The following UTRN variants were observed in gnomAD, a reference collection of about 807,000 sequenced individuals.
The protein encoded by UTRN is dystrophin-related protein 1.
UTRN carries 283 observed loss-of-function variants against 463.9 expected under a neutral mutation model. The observed-to-expected ratio is 0.61, with a 90% confidence interval of 0.55 to 0.67. The LOEUF (loss-of-function observed/expected upper bound fraction) is 0.67, where lower values mean the gene tolerates loss of function less well. UTRN is among the 30% of genes least tolerant of loss of function. The probability of loss-of-function intolerance (pLI) is 0.00; values close to 1 mark genes in which losing one functional copy is unlikely to be tolerated. For synonymous variants in UTRN, 1,442 were observed against 1,431.5 expected (o/e 1.01, Z -0.17); for missense variants, 3,922 against 4,084.3 (o/e 0.96, Z 1.08).
At chr6:144,487,972 A>G (rs908690355) in intron 29 of UTRN, among the ~76,000 whole-genome samples, 12 of 152,222 alleles carry the variant, frequency 7.9e-5, no homozygotes, top group African/African-American at 2.9e-4. Context: ...TGATAGCTGT[A>G]TATAAGAACA....
At chr6:144,795,971 T>G (rs1777177452) in intron 63 of UTRN, among the ~76,000 whole-genome samples, 1 of 152,156 alleles carries the variant, frequency 6.6e-6, no homozygotes, top group Admixed American at 6.5e-5. Flanking sequence ...GGTGTTTTAG[T>G]CATGAAGTCT....
At chr6:144,713,614 CAA>C (rs59879676) in intron 53 of UTRN, among the ~76,000 whole-genome samples, 1 of 136,384 alleles carries the variant, frequency 7.3e-6, no homozygotes. Flanking sequence ...AACTCTGTCT[CAA>C]AAAAAAAAAT....
At chr6:144,503,879 A>G (rs942041149) in intron 34 of UTRN, among the ~76,000 whole-genome samples, 9 of 152,328 alleles carry the variant, frequency 5.9e-5, no homozygotes, top group African/African-American at 9.6e-5. Context: ...ATCCACGAGC[A>G]TGGAATGTTT....
At chr6:144,478,422 CTCTT>C (rs1791477608) in intron 25 of UTRN, among the ~76,000 whole-genome samples, 1 of 152,162 alleles carries the variant, frequency 6.6e-6, no homozygotes, top group Non-Finnish European at 1.5e-5. Context: ...CTCTGTCTCT[CTCTT>C]TCTCTTTCTG....
intron 33 of UTRN, among the ~76,000 whole-genome samples, chr6:144,497,513 CA>C (rs527551923): frequency 0.025 from 2,807 of 110,646 alleles, 85 homozygotes; most frequent in African/African-American, 0.077. Flanking sequence ...CGTCTCTACT[CA>C]AAAAAAAAAA....
At chr6:144,456,695 T>TAATAATAAA (rs1554259174) in intron 19 of UTRN, among the ~76,000 whole-genome samples, 1 of 146,380 alleles carries the variant, frequency 6.8e-6, no homozygotes, top group African/African-American at 2.5e-5. Flanking sequence ...ATAATAATAA[T>TAATAATAAA]AAATAAAATA....
chr6:144,675,150 C>T (rs1247614877), intron 51 of UTRN, among the ~76,000 whole-genome samples: 1 of 152,164 alleles, frequency 6.6e-6, no homozygotes, highest in Non-Finnish European at 1.5e-5. Flanking sequence ...ATAAGATGAT[C>T]ACTTGATGTA....
intron 52 of UTRN, among the ~76,000 whole-genome samples, chr6:144,683,852 C>T (rs534489821): frequency 6.6e-6 from 1 of 152,190 alleles, no homozygotes; most frequent in Non-Finnish European, 1.5e-5. Flanking sequence ...AAAAGGGAGC[C>T]CTGTCACACA....
intron 45 of UTRN, among the ~76,000 whole-genome samples, chr6:144,542,588 G>A (rs1798069029): frequency 6.6e-6 from 1 of 152,198 alleles, no homozygotes; most frequent in Admixed American, 6.5e-5. Flanking sequence ...GACAGCTAAG[G>A]ACTGGTTGGT....
chr6:144,299,590 T>C (rs574391998), intron 2 of UTRN, among the ~76,000 whole-genome samples: 1 of 152,216 alleles, frequency 6.6e-6, no homozygotes, highest in Middle Eastern at 3.4e-3. Context: ...AGTGCCGACA[T>C]ATTTCTCCAC....
Position 144,558,146 on chromosome 6 carries a change from C to T in UTRN, c.7289+835C>T, listed in dbSNP as rs190122492. ...ACTTTATATTCCTGATATATTCCTG[C>T]TAATAAAGTATGGCTAAGCATTTAA... On this transcript the variant is annotated intron_variant, in intron 50 of 74. Coordinates refer to ENST00000367545, the MANE Select transcript of UTRN (RefSeq NM_007124.3). Among the ~76,000 whole-genome samples, 205 of 152,216 alleles carry T rather than the reference C, an allele frequency of 1.3e-3. 2 individuals are homozygous for T. The highest frequency in any genetic ancestry group is 4.8e-3 in the African/African-American group (198 of 41,534).
chr6:144,429,620 T>A lies in UTRN; in HGVS notation c.734T>A (p.Met245Lys). 2 of 1,610,874 alleles carry A rather than the reference T, an allele frequency of 1.2e-6. No homozygotes were observed. The highest frequency in any genetic ancestry group is 1.7e-6 in the Non-Finnish European group (2 of 1,178,376). Residue 245 changes from methionine to lysine, a missense_variant, in exon 9 of 75, where the codon ATG (methionine) becomes AAG (lysine). By Grantham distance (95) the Met-to-Lys change is moderately conservative. Coordinates refer to ENST00000367545, the MANE Select transcript of UTRN (RefSeq NM_007124.3). ...VQLPDKKSII[M>K]YLTSLFEVLP... is the part of the protein sequence containing the mutation. ...CTTCCTGACAAGAAATCCATAATTA[T>A]GTATTTAACATCTTTGTTTGAGGTG...
At chr6:144,482,423 A>ATTT in intron 27 of UTRN, 35 bp downstream of exon 27, 2 of 1,141,502 alleles carry the variant, frequency 1.8e-6, no homozygotes, top group Non-Finnish European at 2.2e-6. Context: ...TATTATTATT[A>ATTT]TTATTATTAT....
In UTRN at chr6:144,751,941, A is replaced by C. The variant is rs770771727; in HGVS notation, c.8344A>C (p.Lys2782Gln). The change falls in exon 56 of 75, where the codon AAA (lysine) becomes CAA (glutamine). Residue 2782 changes from lysine (K) to glutamine (Q), a missense_variant. This residue lies in a region of UTRN where 1,309 missense variants were observed against 1,452.6 expected (regional missense o/e 0.90). Coordinates refer to ENST00000367545, the MANE Select transcript of UTRN (RefSeq NM_007124.3). ...RQLDDLNMRWKLLQVSVDDRL... is the reference protein window; with the variant it reads ...RQLDDLNMRWQLLQVSVDDRL... The stretch of plus-strand genomic sequence containing the variant: ...GCTAGATGACCTTAATATGCGATGG[A>C]AACTTTTACAGGTATCAGCTTATTC... 22 of 1,608,224 alleles carry C rather than the reference A, an allele frequency of 1.4e-5. No homozygotes were observed. In the Admixed American group the frequency reaches 3.7e-4, roughly 27 times the overall value.
At position 144,753,960 on chromosome 6, in the gene UTRN, A is replaced by G. The variant is rs143177034; in HGVS notation, c.8356-760A>G. On this transcript the variant is annotated intron_variant, in intron 56 of 74. Coordinates refer to ENST00000367545, the MANE Select transcript of UTRN (RefSeq NM_007124.3). ...TGTACAAACTGAAATATATATCTCA[A>G]CCCGAAGTAGAGATGATCAGATACA... Among the ~76,000 whole-genome samples the G allele has an allele frequency of 1.6e-3, 238 of 152,266 alleles. 2 individuals are homozygous for G. In the East Asian group the frequency reaches 0.038, roughly 24 times the overall value.
At chr6:144,756,798 A>G (rs1792043967) in intron 57 of UTRN, among the ~76,000 whole-genome samples, 1 of 152,126 alleles carries the variant, frequency 6.6e-6, no homozygotes, top group Non-Finnish European at 1.5e-5. Context: ...TTGCTCAGCT[A>G]GTGTTCAGAA....
chr6:144,561,306 A>ATATACATACACATATATGTGTGTGTT (rs1231373674), intron 50 of UTRN, among the ~76,000 whole-genome samples: 15 of 147,072 alleles, frequency 1.0e-4, no homozygotes, highest in East Asian at 3.9e-4. Context: ...ACACATGTAT[A>ATATACATACACATATATGTGTGTGTT]TATACATACA....
intron 51 of UTRN, among the ~76,000 whole-genome samples, chr6:144,672,538 C>G (rs1363082659): frequency 6.6e-6 from 1 of 151,874 alleles, no homozygotes; most frequent in Non-Finnish European, 1.5e-5. Context: ...TAATTGAGCT[C>G]ATTTATATCC....
At chr6:144,437,145 G>T (rs1308925983) in intron 10 of UTRN, among the ~76,000 whole-genome samples, 1 of 151,762 alleles carries the variant, frequency 6.6e-6, no homozygotes, top group South Asian at 2.1e-4. Context: ...GTTAGAGACG[G>T]GGTTTCACCT....
Sources: gnomAD v4.1 joint callset for allele counts (sites outside exome capture counted in the v4.1 genomes callset) on GRCh38, gnomAD v4.1.1 for gene constraint, gnomAD v4.1.1 regional missense constraint, MANE v1.5 for transcripts, NCBI Gene and HGNC (gene_info 2026-07-23, HGNC 2026-07-21) for gene names.